CSMD2: variants seen among roughly 807,000 people sequenced by gnomAD.
CSMD2 encodes CUB and sushi domain-containing protein 2.
Under a neutral mutation model 398.5 loss-of-function variants are expected in CSMD2, and 130 were observed. The observed-to-expected ratio is 0.33, with a 90% CI of 0.28 to 0.38. CSMD2 has a LOEUF of 0.38. Ranked by LOEUF, CSMD2 falls within the 10% of genes least tolerant of loss-of-function variation. The probability of loss-of-function intolerance (pLI) is 1.00; values close to 1 mark genes in which losing one functional copy is unlikely to be tolerated. For synonymous variants in CSMD2, 1,828 were observed against 1,908.5 expected, an observed-to-expected ratio of 0.96 and a Z score of 1.10; for missense variants, 3,829 against 4,764.9, an observed-to-expected ratio of 0.80 and a Z score of 5.78.
At chr1:33,645,314 T>C (rs1203973976) in intron 29 of CSMD2, among the ~76,000 whole-genome samples, 1 of 150,776 alleles carries the variant, frequency 6.6e-6, no homozygotes, top group Non-Finnish European at 1.5e-5. Flanking sequence ...CCAGAGCATC[T>C]GTAGAGTGTT....
At chr1:33,674,643 A>G (rs986935110) in intron 25 of CSMD2, among the ~76,000 whole-genome samples, 7 of 152,212 alleles carry the variant, frequency 4.6e-5, no homozygotes, top group African/African-American at 1.7e-4. Flanking sequence ...ACCCCAAATC[A>G]ACAGAATATA....
chr1:33,804,829 G>C (rs1234566877), intron 10 of CSMD2: 3 of 717,400 alleles, frequency 4.2e-6, no homozygotes, highest in Admixed American at 4.0e-5. Flanking sequence ...CTATTCCTCA[G>C]TCTTAGACTT....
intron 5 of CSMD2, among the ~76,000 whole-genome samples, chr1:33,889,195 A>G (rs1426322322): frequency 1.3e-5 from 2 of 152,248 alleles, no homozygotes; most frequent in African/African-American, 2.4e-5. Context: ...ATTTTAATAC[A>G]TGTTAAAAAT....
chr1:33,712,651 G>A (rs1213302202), intron 21 of CSMD2, among the ~76,000 whole-genome samples: 1 of 152,250 alleles, frequency 6.6e-6, no homozygotes, highest in East Asian at 1.9e-4. Context: ...TGAGATCAAT[G>A]AGGCAAGAGC....
chr1:33,889,132 T>G (rs1641810415), intron 5 of CSMD2, among the ~76,000 whole-genome samples: 1 of 152,178 alleles, frequency 6.6e-6, no homozygotes, highest in Non-Finnish European at 1.5e-5. Flanking sequence ...GACAACAAAG[T>G]AAGGCTAAAA....
chr1:33,623,489 T>A (rs2148878981), intron 35 of CSMD2, 23 bp from the exon 36 acceptor site: 3 of 1,586,198 alleles, frequency 1.9e-6, no homozygotes, highest in East Asian at 2.2e-5. Context: ...AAGAGTGAAT[T>A]GTTGGTTAGG....
intron 13 of CSMD2, among the ~76,000 whole-genome samples, chr1:33,760,228 C>G (rs1490297362): frequency 6.6e-6 from 1 of 152,250 alleles, no homozygotes; most frequent in Non-Finnish European, 1.5e-5. Flanking sequence ...GGTGCTTACC[C>G]CGGCCTTTAG....
At chr1:34,023,995 G>A (rs1268277527) in intron 3 of CSMD2, among the ~76,000 whole-genome samples, 2 of 152,148 alleles carry the variant, frequency 1.3e-5, no homozygotes, top group East Asian at 3.9e-4. Flanking sequence ...CTATTAAAGT[G>A]GGCATTATAG....
intron 6 of CSMD2, among the ~76,000 whole-genome samples, chr1:33,846,316 T>G (rs545036562): frequency 3.2e-4 from 48 of 152,352 alleles, no homozygotes; most frequent in African/African-American, 1.1e-3. Flanking sequence ...CTTCACAGAT[T>G]TGAGCATCAA....
At chr1:33,637,146 T>C (rs966622766) in intron 29 of CSMD2, among the ~76,000 whole-genome samples, 5 of 152,178 alleles carry the variant, frequency 3.3e-5, no homozygotes, top group African/African-American at 9.7e-5. Flanking sequence ...GGCCCAGTCA[T>C]ACCCATCTGT....
chr1:33,934,667 C>T (rs1644413518), intron 4 of CSMD2, among the ~76,000 whole-genome samples: 1 of 152,030 alleles, frequency 6.6e-6, no homozygotes, highest in African/African-American at 2.4e-5. Flanking sequence ...AATTTTCTTT[C>T]TTCTTTATTC....
At chr1:33,581,359 A>T (rs1416833147) in intron 47 of CSMD2, among the ~76,000 whole-genome samples, 6 of 146,286 alleles carry the variant, frequency 4.1e-5, no homozygotes, top group African/African-American at 1.5e-4. Flanking sequence ...TTTACTAAAA[A>T]AAAAAAAAAA....
At chr1:33,536,888 G>A (rs1283430882) in intron 62 of CSMD2, 134 bp downstream of exon 62, 1 of 782,670 alleles carries the variant, frequency 1.3e-6, no homozygotes, top group East Asian at 2.6e-5. Context: ...GAGGCAGAGG[G>A]CTTTCTTTCT....
At chr1:34,047,528 C>A (rs1652669377) in intron 2 of CSMD2, among the ~76,000 whole-genome samples, 1 of 152,162 alleles carries the variant, frequency 6.6e-6, no homozygotes, top group African/African-American at 2.4e-5. Flanking sequence ...TTTATTACGT[C>A]TACCTTTTCC....
At chr1:34,158,768 G>T (rs1252195882) in intron 1 of CSMD2, among the ~76,000 whole-genome samples, 1 of 152,224 alleles carries the variant, frequency 6.6e-6, no homozygotes, top group African/African-American at 2.4e-5. Flanking sequence ...GGGTCAGGTA[G>T]ACTTGAGGTT....
At chr1:33,520,562 C>T (rs1570601930) in intron 68 of CSMD2, among the ~76,000 whole-genome samples, 1 of 152,202 alleles carries the variant, frequency 6.6e-6, no homozygotes, top group African/African-American at 2.4e-5. Context: ...TGCAGCGTGC[C>T]TGGCCATCTT....
intron 49 of CSMD2, among the ~76,000 whole-genome samples, chr1:33,573,268 G>C (rs12121873): frequency 0.22 from 33,723 of 152,078 alleles, 3,987 homozygotes; most frequent in Non-Finnish European, 0.26. Flanking sequence ...ACATCTCATA[G>C]CTGGAAAAAT....
intron 5 of CSMD2, among the ~76,000 whole-genome samples, chr1:33,888,756 T>TTTTTTGTTG (rs1553244524): frequency 8.1e-5 from 12 of 148,938 alleles, no homozygotes; most frequent in East Asian, 6.0e-4. Context: ...TCAACTGATT[T>TTTTTTGTTG]TTGTTGTTGT....
intron 5 of CSMD2, chr1:33,871,146 C>T (rs1414076070): frequency 6.6e-6 from 1 of 152,186 alleles, no homozygotes; most frequent in Non-Finnish European, 1.5e-5. Flanking sequence ...TGTTTCATGG[C>T]ACTAAGGCTT....
Sources: allele counts gnomAD v4.1 joint callset (sites outside exome capture counted in the v4.1 genomes callset), GRCh38; gene constraint gnomAD v4.1.1; transcripts MANE v1.5; gene names NCBI Gene and HGNC (gene_info 2026-07-23, HGNC 2026-07-21).